The following NRG3 variants were observed in gnomAD, a reference collection of about 807,000 sequenced individuals.
The protein encoded by NRG3 is pro-neuregulin-3, membrane-bound isoform.
NRG3 carries 31 observed loss-of-function variants against 66.9 expected under a neutral mutation model. That is an observed-to-expected ratio of 0.46 (90% CI 0.35 to 0.63). The LOEUF (loss-of-function observed/expected upper bound fraction) is 0.63, where lower values mean the gene tolerates loss of function less well. NRG3 is among the 20% of genes least tolerant of loss of function. The probability of loss-of-function intolerance (pLI) is 0.00; values close to 1 mark genes in which losing one functional copy is unlikely to be tolerated. For synonymous variants in NRG3, 393 were observed against 359.4 expected, an observed-to-expected ratio of 1.09 and a Z score of -1.06; for missense variants, 910 against 878.9, an observed-to-expected ratio of 1.04 and a Z score of -0.45.
chr10:82,003,942 C>T (rs943167809), intron 1 of NRG3, among the ~76,000 whole-genome samples: 1 of 150,908 alleles, frequency 6.6e-6, no homozygotes, highest in African/African-American at 2.4e-5. Flanking sequence ...CGCTTGAGCC[C>T]AGGAGTTCAA....
chr10:82,166,268 CTTG>C (rs2072053483), intron 1 of NRG3, among the ~76,000 whole-genome samples: 1 of 152,186 alleles, frequency 6.6e-6, no homozygotes, highest in Non-Finnish European at 1.5e-5. Flanking sequence ...ATCCGCCCGC[CTTG>C]GCCTCCCAAA....
At chr10:81,931,609 A>G (rs1283871786) in intron 1 of NRG3, among the ~76,000 whole-genome samples, 1 of 152,068 alleles carries the variant, frequency 6.6e-6, no homozygotes, top group Admixed American at 6.5e-5. Context: ...CTATACCTTG[A>G]GATTTATCAC....
At chr10:82,116,367 T>A (rs1466931177) in intron 1 of NRG3, among the ~76,000 whole-genome samples, 1 of 152,124 alleles carries the variant, frequency 6.6e-6, no homozygotes, top group Non-Finnish European at 1.5e-5. Flanking sequence ...GTTTCCTGAG[T>A]AGCCAAGAAA....
chr10:82,340,660 T>G (rs550555120), intron 1 of NRG3: 3 of 152,308 alleles, frequency 2.0e-5, no homozygotes, highest in African/African-American at 4.8e-5. Context: ...ACAGAGAAAG[T>G]AATAGAAATT....
At chr10:82,346,392 G>T (rs1196290640) in intron 1 of NRG3, among the ~76,000 whole-genome samples, 2 of 138,748 alleles carry the variant, frequency 1.4e-5, no homozygotes, top group Admixed American at 7.0e-5. Context: ...TATTGAACCA[G>T]CCTTGCATCC....
chr10:82,877,575 G>A (rs1315049115), intron 4 of NRG3, among the ~76,000 whole-genome samples: 2 of 125,294 alleles, frequency 1.6e-5, no homozygotes, highest in Non-Finnish European at 3.2e-5. Context: ...TTTTAGTGGA[G>A]ACAGAGTTTC....
chr10:82,601,956 G>A (rs950335303), intron 2 of NRG3, among the ~76,000 whole-genome samples: 1 of 149,202 alleles, frequency 6.7e-6, no homozygotes, highest in Non-Finnish European at 1.5e-5. Flanking sequence ...GGTGGTGCAT[G>A]CCTATAGTCC....
chr10:82,289,792 C>T (rs770400580), intron 1 of NRG3, among the ~76,000 whole-genome samples: 6 of 152,190 alleles, frequency 3.9e-5, no homozygotes, highest in African/African-American at 4.8e-5. Flanking sequence ...TTAATGTATA[C>T]ATATACATTT....
intron 1 of NRG3, among the ~76,000 whole-genome samples, chr10:82,044,888 A>T (rs1411935120): frequency 4.0e-5 from 6 of 151,888 alleles, no homozygotes; most frequent in Non-Finnish European, 5.9e-5. Flanking sequence ...CCTACAAAGG[A>T]TATGAACTCA....
chr10:82,111,675 A>G (rs1207218705), intron 1 of NRG3, among the ~76,000 whole-genome samples: 2 of 152,148 alleles, frequency 1.3e-5, no homozygotes, highest in Non-Finnish European at 2.9e-5. Context: ...ACATTTATTC[A>G]TGATATTATT....
At chr10:81,935,295 A>G (rs940663672) in intron 1 of NRG3, among the ~76,000 whole-genome samples, 2 of 152,170 alleles carry the variant, frequency 1.3e-5, no homozygotes, top group Admixed American at 6.5e-5. Context: ...TTAATATGTC[A>G]TTTTGGGGAA....
intron 2 of NRG3, among the ~76,000 whole-genome samples, chr10:82,398,263 A>T (rs1408971352): frequency 6.6e-6 from 1 of 152,182 alleles, no homozygotes; most frequent in Admixed American, 6.5e-5. Flanking sequence ...CTAACAGGTC[A>T]GCTGTGGACA....
chr10:82,393,455 C>T (rs2086523681), intron 2 of NRG3, among the ~76,000 whole-genome samples: 1 of 151,988 alleles, frequency 6.6e-6, no homozygotes, highest in Non-Finnish European at 1.5e-5. Flanking sequence ...GACTGACTGA[C>T]AGAAAGGATT....
In NRG3 at chr10:82,636,935, G is replaced by A. The variant is rs576527538; in HGVS notation, c.954-101642G>A. Among the ~76,000 whole-genome samples the A allele has an allele frequency of 4.3e-4, 66 of 151,866 alleles. 1 individual carries two copies. The South Asian group carries it at 0.013, about 30-fold the overall frequency. Reference sequence around the variant, plus strand: ...TAAGGGTAGGAAATGGGGAGATGTAGGTCAAAAGATACTAAGTAGCAGATA... The same window carrying A: ...TAAGGGTAGGAAATGGGGAGATGTAAGTCAAAAGATACTAAGTAGCAGATA... On this transcript the variant is annotated intron_variant, in intron 2 of 8. Transcript: ENST00000372141.
rs192636343 is a variant in NRG3, at chr10:82,912,571, A to C, written c.1055-38898A>C. ...ATTTAAAGTGAGTTTCCTAAAGACA[A>C]TATATACTTTCATCTTGTTTTTAAA... On this transcript the variant is annotated intron_variant, in intron 4 of 8. Transcript: ENST00000372141. Among the ~76,000 whole-genome samples the C allele has an allele frequency of 1.2e-3, 176 of 152,258 alleles. 1 individual carries two copies. The highest frequency in any genetic ancestry group is 2.0e-3 in the Admixed American group (30 of 15,292).
intron 2 of NRG3, among the ~76,000 whole-genome samples, chr10:82,684,572 CT>C (rs144542958): frequency 0.063 from 9,627 of 152,064 alleles, 935 homozygotes; most frequent in African/African-American, 0.21. Flanking sequence ...TTACTGCTTT[CT>C]TTTTTTCTTT....
At chr10:82,065,963 C>G (rs1329944315) in intron 1 of NRG3, among the ~76,000 whole-genome samples, 1 of 152,088 alleles carries the variant, frequency 6.6e-6, no homozygotes, top group Non-Finnish European at 1.5e-5. Context: ...TTTGCAAAGG[C>G]CTGTTTTCCA....
At chr10:82,075,088 A>G (rs879740169) in intron 1 of NRG3, among the ~76,000 whole-genome samples, 2 of 152,164 alleles carry the variant, frequency 1.3e-5, no homozygotes, top group Non-Finnish European at 2.9e-5. Context: ...TTAGCGATAT[A>G]AACTTGTTTT....
At chr10:82,723,977 C>G (rs1173828805) in intron 2 of NRG3, among the ~76,000 whole-genome samples, 1 of 147,450 alleles carries the variant, frequency 6.8e-6, no homozygotes, top group Non-Finnish European at 1.5e-5. Context: ...GAGACTCCAT[C>G]TCAAAAAAAA....
Sources: gnomAD v4.1 joint callset for allele counts (sites outside exome capture counted in the v4.1 genomes callset) on GRCh38, gnomAD v4.1.1 for gene constraint, MANE v1.5 for transcripts, NCBI Gene and HGNC (gene_info 2026-07-23, HGNC 2026-07-21) for gene names.